The following TRIM62 variants were observed in gnomAD, a reference collection of about 807,000 sequenced individuals.
The protein encoded by TRIM62 is tripartite motif containing 62.
A neutral mutation model predicts 44.2 loss-of-function variants in TRIM62; 39 were observed. The ratio of observed to expected loss-of-function variants is 0.88; its 90% CI spans 0.68 to 1.15. The LOEUF is 1.15. TRIM62 is among the 50% of genes most tolerant of loss of function. TRIM62 has a pLI of 0.00. For synonymous variants in TRIM62, 278 were observed against 292.3 expected (o/e 0.95, Z 0.50); for missense variants, 544 against 665.5 (o/e 0.82, Z 2.01).
Position 33,159,980 on chromosome 1 carries a change from G to T in TRIM62, c.505-36C>A. The T allele has an allele frequency of 6.3e-7, 1 of 1,586,626 alleles. No homozygotes were observed. Among genetic ancestry groups the T allele is most frequent in the South Asian group, 1.1e-5 (1 of 90,624 alleles). Reference sequence around the variant, plus strand: ...CAGTCGTCAGGGGTTATGGCTGGGGGAGCAGATGGGGTGATCTCTGGGTGA... The same window carrying T: ...CAGTCGTCAGGGGTTATGGCTGGGGTAGCAGATGGGGTGATCTCTGGGTGA... On this transcript the variant is annotated intron_variant, in intron 2 of 4. Coordinates refer to ENST00000291416, the MANE Select transcript of TRIM62 (RefSeq NM_018207.3). This position sits in a 1 kb window ranked among gnomAD's most constrained non-coding sequence, Gnocchi z 4.2.
At chr1:33,149,273 C>G (rs1570284109) in intron 4 of TRIM62, among the ~76,000 whole-genome samples, 1 of 152,206 alleles carries the variant, frequency 6.6e-6, no homozygotes, top group East Asian at 1.9e-4. Context: ...ATGCCTCAGC[C>G]TCTCGAGTAG....
rs1166786736 is a variant in TRIM62 at position 33,158,288 on chromosome 1, G to A, written c.842C>T (p.Thr281Ile). ...TSKYTGPLQY[T>I]IWKSLFQDIH... ...GTCCTGGAACAGGGACTTCCAGATG[G>A]TGTACTGCAGGGGGCCTGTGTACTT... is the stretch of plus-strand genomic sequence containing the variant. The change falls in exon 4 of 5, where the codon ACC becomes ATC. Residue 281 changes from threonine to isoleucine, a missense_variant. Thr to Ile is a moderately conservative substitution (Grantham distance 89). Transcript: ENST00000291416. The A allele has an allele frequency of 6.2e-7, 1 of 1,614,074 alleles. No individual in the cohort carries two copies. The highest frequency in any genetic ancestry group is 1.1e-5 in the South Asian group (1 of 91,086).
rs138310708 is a variant in TRIM62, at chr1:33,166,887, G to A, written c.409-1321C>T. On this transcript the variant is annotated intron_variant, in intron 1 of 4. Coordinates refer to ENST00000291416, the MANE Select transcript of TRIM62 (RefSeq NM_018207.3). ...TTTGAAATGTTGAATTTTGTTCATC[G>A]TGGGTTTTTTGCATTAATTTTGATT... Among the ~76,000 whole-genome samples the A allele has an allele frequency of 1.0e-3, 155 of 152,242 alleles. 1 individual carries two copies. The highest frequency in any genetic ancestry group is 3.5e-3 in the African/African-American group (146 of 41,538).
chr1:33,158,126 C>T, intron 4 of TRIM62, 127 bp downstream of exon 4: 1 of 768,450 alleles, frequency 1.3e-6, no homozygotes, highest in Non-Finnish European at 2.2e-6. Context: ...TCCTGGAACA[C>T]ACTAGGTGCT....
At chr1:33,166,712 A>G (rs1431259762) in intron 1 of TRIM62, among the ~76,000 whole-genome samples, 1 of 152,138 alleles carries the variant, frequency 6.6e-6, no homozygotes, top group East Asian at 1.9e-4. Context: ...CACGTTTTCT[A>G]CCATGATGAC....
At chr1:33,170,730 A>G (rs1645367627) in intron 1 of TRIM62, among the ~76,000 whole-genome samples, 1 of 152,180 alleles carries the variant, frequency 6.6e-6, no homozygotes, top group Non-Finnish European at 1.5e-5. Flanking sequence ...TCCCGCTCCA[A>G]CGTGTCTCCT....
intron 4 of TRIM62, among the ~76,000 whole-genome samples, chr1:33,155,495 C>A (rs1400054596): frequency 6.6e-6 from 1 of 152,068 alleles, no homozygotes; most frequent in Non-Finnish European, 1.5e-5. Flanking sequence ...TCTCCCTGAG[C>A]CTTGGTCTCC....
At chr1:33,152,492 G>A (rs1645113553) in intron 4 of TRIM62, among the ~76,000 whole-genome samples, 1 of 152,036 alleles carries the variant, frequency 6.6e-6, no homozygotes, top group South Asian at 2.1e-4. Flanking sequence ...GCTTGAATCT[G>A]GGAGGCGGAG....
chr1:33,169,239 A>G (rs1015065478), intron 1 of TRIM62, among the ~76,000 whole-genome samples: 10 of 152,028 alleles, frequency 6.6e-5, no homozygotes, highest in Non-Finnish European at 1.5e-4. Context: ...TCCTCTCCCC[A>G]TATTCCCCAT....
chr1:33,180,642 C>T (rs1179013551), intron 1 of TRIM62, among the ~76,000 whole-genome samples: 1 of 152,208 alleles, frequency 6.6e-6, no homozygotes, highest in Admixed American at 6.5e-5. Context: ...GACAGTGGCC[C>T]TGCCTTTGCC....
At chr1:33,169,214 A>C (rs951660587) in intron 1 of TRIM62, among the ~76,000 whole-genome samples, 2 of 152,054 alleles carry the variant, frequency 1.3e-5, no homozygotes, top group Non-Finnish European at 2.9e-5. Flanking sequence ...TCGTGTTAGG[A>C]GATCCCAAAC....
chr1:33,147,838 C>T lies in TRIM62; in HGVS notation c.878-111G>A. On this transcript the variant is annotated intron_variant, in intron 4 of 4. Transcript: ENST00000291416. The surrounding 1 kb of genome is among the most constrained non-coding windows in gnomAD (Gnocchi z 8.1). ...GGTTGGTACGCAGGAGGCCTCTGACCTGCTGTGTGACCTTGAATACAAGTC... is the reference window on the plus strand; with the variant it reads ...GGTTGGTACGCAGGAGGCCTCTGACTTGCTGTGTGACCTTGAATACAAGTC... 1 of 1,224,574 alleles carries T rather than the reference C, an allele frequency of 8.2e-7. No homozygotes were observed. Among genetic ancestry groups the T allele is most frequent in the South Asian group, 1.5e-5 (1 of 67,386 alleles). The allele number at this position is 1,224,574 out of a possible 1,614,324, so 75.9% of individuals were successfully genotyped here.
Position 33,177,074 on chromosome 1 carries a change from C to T in TRIM62, c.408+3951G>A, listed in dbSNP as rs1270466820. On this transcript the variant is annotated intron_variant, in intron 1 of 4. Transcript: ENST00000291416. This position sits in a 1 kb window ranked among gnomAD's most constrained non-coding sequence, Gnocchi z 4.1. ...ACGCACACACACACACATGCACACA[C>T]ACACATGCATGCACAAATGCACACA... 6.8e-6 allele frequency among the ~76,000 whole-genome samples: 1 copy of T among 147,906 alleles called. No homozygotes were observed. Among genetic ancestry groups the T allele is most frequent in the Non-Finnish European group, 1.5e-5 (1 of 67,584 alleles).
In TRIM62 at chr1:33,159,753, C is replaced by T; in HGVS notation, c.696G>A (p.Leu232=). ...LRKVQEGAQI[L]QERLAETDRH... Reference sequence around the variant, plus strand: ...GGTCGGTTTCAGCCAGCCGCTCCTGCAGGATCTGGGCTCCCTCCTGGACCT... The same window carrying T: ...GGTCGGTTTCAGCCAGCCGCTCCTGTAGGATCTGGGCTCCCTCCTGGACCT... Residue 232 remains leucine (L), a synonymous_variant, in exon 3 of 5, where the codon CTG becomes CTA. Coordinates refer to ENST00000291416, the MANE Select transcript of TRIM62 (RefSeq NM_018207.3). This position sits in a 1 kb window ranked among gnomAD's most constrained non-coding sequence, Gnocchi z 4.2. 4 of 1,613,378 alleles carry T rather than the reference C, an allele frequency of 2.5e-6. No individual in the cohort carries two copies. Among genetic ancestry groups the T allele is most frequent in the Non-Finnish European group, 3.4e-6 (4 of 1,179,936 alleles).
chr1:33,161,520 C>T lies in TRIM62; in HGVS notation c.505-1576G>A, dbSNP rs912792228. ...TCCCTCCCCGACGCGCGGCTGCTGG[C>T]CTGCAGGAAGAACTGCTGGCGGTGG... On this transcript the variant is annotated intron_variant, in intron 2 of 4. Transcript: ENST00000291416. The surrounding 1 kb of genome is among the most constrained non-coding windows in gnomAD (Gnocchi z 4.3). Among the ~76,000 whole-genome samples the T allele has an allele frequency of 4.6e-5, 7 of 152,154 alleles. No individual in the cohort carries two copies. The highest frequency in any genetic ancestry group is 1.0e-4 in the Non-Finnish European group (7 of 68,030).
Position 33,181,678 on chromosome 1 carries a change from C to T in TRIM62, c.-246G>A. On this transcript the variant is annotated 5_prime_UTR_variant, in exon 1 of 5. Transcript: ENST00000291416. The surrounding 1 kb of genome is among the most constrained non-coding windows in gnomAD (Gnocchi z 6.5). ...TCTAGAGGTAGTGGGCAGCTCAAGG[C>T]GATGGGCGCTGGGAGGAGGCTGTGA... The T allele has an allele frequency of 1.7e-6, 1 of 593,344 alleles. No homozygotes were observed. Among genetic ancestry groups the T allele is most frequent in the Non-Finnish European group, 2.8e-6 (1 of 360,136 alleles). 36.8% of individuals were successfully genotyped at this position (593,344 alleles called of 1,614,324 possible). A position where few individuals can be genotyped will look rare whatever the true frequency, so the allele number is the denominator to read the frequency against.
chr1:33,180,988 G>GGCCCC (rs1645457098), intron 1 of TRIM62, 37 bp downstream of exon 1: 2 of 646,260 alleles, frequency 3.1e-6, no homozygotes, highest in African/African-American at 8.4e-5. Context: ...CCTCCAGCCC[G>GGCCCC]GCCCCGCCCC....
chr1:33,156,272 C>G (rs780982932), intron 4 of TRIM62, among the ~76,000 whole-genome samples: 1 of 152,228 alleles, frequency 6.6e-6, no homozygotes, highest in African/African-American at 2.4e-5. Flanking sequence ...CTCTCTCCTT[C>G]GCTTGAAAAC....
intron 1 of TRIM62, 65 bp downstream of exon 1, chr1:33,180,960 A>G: frequency 1.9e-5 from 4 of 209,058 alleles, no homozygotes; most frequent in Non-Finnish European, 3.4e-5. Flanking sequence ...CCCTGACCCC[A>G]CCCCCCGCCC....
Sources: allele counts gnomAD v4.1 joint callset (sites outside exome capture counted in the v4.1 genomes callset), GRCh38; gene constraint gnomAD v4.1.1; non-coding constraint Gnocchi (gnomAD v3.1); transcripts MANE v1.5; gene names NCBI Gene and HGNC (gene_info 2026-07-23, HGNC 2026-07-21).